The following PSMD1 variants were observed in gnomAD, a reference collection of about 807,000 sequenced individuals.
PSMD1 encodes 26S proteasome non-ATPase regulatory subunit 1.
A neutral mutation model predicts 119.0 loss-of-function variants in PSMD1; 18 were observed. The ratio of observed to expected loss-of-function variants is 0.15; its 90% CI spans 0.10 to 0.22. The LOEUF (loss-of-function observed/expected upper bound fraction) is 0.22. Ranked by LOEUF, PSMD1 falls within the 10% of genes least tolerant of loss-of-function variation. PSMD1 has a pLI of 1.00. For synonymous variants in PSMD1, 374 were observed against 396.6 expected, an observed-to-expected ratio of 0.94 and a Z score of 0.68; for missense variants, 702 against 1,158.5, an observed-to-expected ratio of 0.61 and a Z score of 5.72.
chr2:231,084,849 G>A (rs936228834), intron 14 of PSMD1, among the ~76,000 whole-genome samples, 170 bp from the exon 15 acceptor site: 1 of 152,156 alleles, frequency 6.6e-6, no homozygotes, highest in Non-Finnish European at 1.5e-5. Flanking sequence ...CTGTATTTAT[G>A]TGTTTTATTG....
chr2:231,127,960 T>C (rs1330368353), intron 16 of PSMD1, among the ~76,000 whole-genome samples: 1 of 152,208 alleles, frequency 6.6e-6, no homozygotes, highest in African/African-American at 2.4e-5. Context: ...AAAAACCTAA[T>C]TGGCACATTT....
At chr2:231,091,688 C>T (rs188533838) in intron 16 of PSMD1, among the ~76,000 whole-genome samples, 114 of 152,250 alleles carry the variant, frequency 7.5e-4, no homozygotes, top group African/African-American at 2.6e-3. Context: ...TGTTATCTCA[C>T]ATCCTTCCAT....
intron 19 of PSMD1, among the ~76,000 whole-genome samples, chr2:231,159,635 C>T (rs1184541783): frequency 1.3e-5 from 2 of 152,160 alleles, no homozygotes; most frequent in Non-Finnish European, 2.9e-5. Flanking sequence ...TCATAGCCTC[C>T]TAGAATCTCA....
At chr2:231,128,591 C>T (rs748906899) in intron 16 of PSMD1, among the ~76,000 whole-genome samples, 5 of 152,224 alleles carry the variant, frequency 3.3e-5, no homozygotes, top group Non-Finnish European at 7.3e-5. Context: ...TTCTTTTCAT[C>T]CATCCTATCC....
chr2:231,099,716 CA>C (rs2125192386), intron 16 of PSMD1, among the ~76,000 whole-genome samples: 1 of 152,202 alleles, frequency 6.6e-6, no homozygotes, highest in Non-Finnish European at 1.5e-5. Context: ...GTGTGAGGCT[CA>C]GTTTCCCCAC....
intron 19 of PSMD1, among the ~76,000 whole-genome samples, chr2:231,157,110 G>C (rs887935586): frequency 6.6e-6 from 1 of 151,914 alleles, no homozygotes; most frequent in African/African-American, 2.4e-5. Context: ...ACTTTTTAAA[G>C]TGTATGATTT....
In PSMD1 at chr2:231,059,632, C is replaced by T. The variant is rs1693706755; in HGVS notation, c.17-1635C>T. On this transcript the variant is annotated intron_variant, in intron 1 of 24. Transcript: ENST00000308696. ...ACAATAGTCCCCCACCTCACTTTCC[C>T]TTTCCTGATCCCCAGAGGCAGGTAT... Among the ~76,000 whole-genome samples the T allele has an allele frequency of 2.0e-5, 3 of 152,288 alleles. No homozygotes were observed. In the South Asian group the frequency reaches 6.2e-4, roughly 32 times the overall value.
intron 19 of PSMD1, among the ~76,000 whole-genome samples, chr2:231,158,756 A>G (rs763858): frequency 5.3e-5 from 8 of 152,294 alleles, no homozygotes; most frequent in African/African-American, 1.9e-4. Flanking sequence ...TAATTATCAA[A>G]TTATCTGTCT....
chr2:231,120,780 ATAGT>A (rs1008116793), intron 16 of PSMD1, among the ~76,000 whole-genome samples: 17 of 152,244 alleles, frequency 1.1e-4, no homozygotes, highest in African/African-American at 3.1e-4. Flanking sequence ...GCTCATAGTG[ATAGT>A]TAATCTTTTA....
intron 18 of PSMD1, among the ~76,000 whole-genome samples, chr2:231,148,895 G>A (rs1026738263): frequency 6.6e-6 from 1 of 152,206 alleles, no homozygotes. Context: ...AAACTCTGAA[G>A]GGGAGTAGAT....
intron 16 of PSMD1, among the ~76,000 whole-genome samples, chr2:231,123,088 G>A (rs1375234440): frequency 6.6e-6 from 1 of 152,078 alleles, no homozygotes; most frequent in Non-Finnish European, 1.5e-5. Context: ...GTGTAGAAAA[G>A]TTAAAGTATA....
At chr2:231,149,615 C>T (rs1696328076) in intron 18 of PSMD1, among the ~76,000 whole-genome samples, 1 of 152,228 alleles carries the variant, frequency 6.6e-6, no homozygotes, top group African/African-American at 2.4e-5. Context: ...AGGCCTGGTA[C>T]AGGAAAGCTT....
intron 16 of PSMD1, among the ~76,000 whole-genome samples, chr2:231,103,016 C>T (rs574209499): frequency 6.6e-6 from 1 of 152,244 alleles, no homozygotes; most frequent in Non-Finnish European, 1.5e-5. Flanking sequence ...ACCCCAGGTT[C>T]CCTGGGAGTG....
chr2:231,124,586 GA>G lies in PSMD1; in HGVS notation c.1884-14141del, dbSNP rs879843549. The stretch of plus-strand genomic sequence containing the variant: ...TAGATTTCCTTTAGTTTGAGAGAAG[GA>G]AAAAAAAAGGTATTACTAGGATCCA... On this transcript the variant is annotated intron_variant, in intron 16 of 24. Coordinates refer to ENST00000308696, the MANE Select transcript of PSMD1 (RefSeq NM_002807.4). Among the ~76,000 whole-genome samples the G allele has an allele frequency of 7.4e-5, 11 of 149,460 alleles. No homozygotes were observed. In the East Asian group the frequency reaches 7.8e-4, roughly 11 times the overall value.
At chr2:231,069,345 T>C (rs1693984904) in intron 5 of PSMD1, among the ~76,000 whole-genome samples, 1 of 152,238 alleles carries the variant, frequency 6.6e-6, no homozygotes, top group Non-Finnish European at 1.5e-5. Context: ...TTTTTTAATT[T>C]GCTAGTCACA....
At chr2:231,102,262 C>G (rs533242358) in intron 16 of PSMD1, among the ~76,000 whole-genome samples, 3 of 152,282 alleles carry the variant, frequency 2.0e-5, no homozygotes, top group Admixed American at 2.0e-4. Context: ...CTGCTATACT[C>G]TCTTTATTGT....
intron 17 of PSMD1, among the ~76,000 whole-genome samples, chr2:231,145,576 ACT>A (rs1696233823): frequency 6.6e-6 from 1 of 151,602 alleles, no homozygotes; most frequent in Middle Eastern, 3.2e-3. Context: ...TAATTTTTTG[ACT>A]CTTGTAATAA....
chr2:231,151,445 TAAG>T (rs933317562), intron 18 of PSMD1, among the ~76,000 whole-genome samples: 16 of 152,250 alleles, frequency 1.1e-4, no homozygotes, highest in African/African-American at 3.6e-4. Flanking sequence ...TACTGATACA[TAAG>T]AAATAAAATG....
intron 18 of PSMD1, among the ~76,000 whole-genome samples, chr2:231,150,282 G>A (rs1331167298): frequency 1.3e-5 from 2 of 151,174 alleles, no homozygotes; most frequent in Non-Finnish European, 3.0e-5. Flanking sequence ...GGGAGGCGGA[G>A]GTTGCAGTGA....
Sources: allele counts gnomAD v4.1 joint callset (sites outside exome capture counted in the v4.1 genomes callset), GRCh38; gene constraint gnomAD v4.1.1; transcripts MANE v1.5; gene names NCBI Gene and HGNC (gene_info 2026-07-23, HGNC 2026-07-21).